Variants in SLC28A1 observed in about 807,000 individuals in gnomAD.
The protein encoded by SLC28A1 is solute carrier family 28 member 1.
A neutral mutation model predicts 74.8 loss-of-function variants in SLC28A1; 64 were observed. The observed-to-expected ratio is 0.86, with a 90% CI of 0.70 to 1.05. The LOEUF is 1.05. SLC28A1 is among the 50% of genes least tolerant of loss of function. SLC28A1 has a pLI of 0.00. For synonymous variants in SLC28A1, 359 were observed against 335.0 expected (o/e 1.07, Z -0.78); for missense variants, 828 against 822.8 (o/e 1.01, Z -0.08).
At chr15:84,965,900 G>GC in the SLC28A1 span, among the ~76,000 whole-genome samples, 1 of 149,712 alleles carries the variant, frequency 6.7e-6, no homozygotes, top group African/African-American at 2.5e-5. Flanking sequence ...GAGGGAGGCG[G>GC]GGAGGGGGGG....
At chr15:84,938,753 G>GA (rs58569171) in intron 15 of SLC28A1, among the ~76,000 whole-genome samples, 18,222 of 145,626 alleles carry the variant, frequency 0.13, 1,233 homozygotes, top group African/African-American at 0.2. Flanking sequence ...AAAACAACAA[G>GA]AAAAAAAAAA....
At chr15:84,969,138 T>A in the SLC28A1 span, among the ~76,000 whole-genome samples, 1 of 152,384 alleles carries the variant, frequency 6.6e-6, no homozygotes, top group East Asian at 1.9e-4. Context: ...CAGCTGGCTC[T>A]GTGGCTGAGT....
At chr15:84,922,385 T>C (rs994491768) in intron 11 of SLC28A1, among the ~76,000 whole-genome samples, 10 of 152,072 alleles carry the variant, frequency 6.6e-5, no homozygotes, top group Non-Finnish European at 1.2e-4. Context: ...CTTCCCCTCT[T>C]GGCAAGTGGG....
chr15:84,931,651 CAAAAAAA>C (rs60407699), intron 12 of SLC28A1, among the ~76,000 whole-genome samples: 3 of 52,404 alleles, frequency 5.7e-5, no homozygotes, highest in African/African-American at 2.7e-4. Context: ...GACTCCATCT[CAAAAAAA>C]AAAAAAAAAA....
rs541649171 is a variant in SLC28A1 at position 84,924,925 on chromosome 15, G to A, written c.1083+815G>A. ...TTTTTTGTTTGTTTGTTTTTGAGAC[G>A]GAGTCTTGCTCTGTTGCCAGGCTGG... On this transcript the variant is annotated intron_variant, in intron 12 of 18. Transcript: ENST00000394573. Among the ~76,000 whole-genome samples the A allele has an allele frequency of 4.5e-3, 647 of 145,362 alleles. 8 individuals carry two copies. Among genetic ancestry groups the A allele is most frequent in the African/African-American group, 0.016 (614 of 39,058 alleles).
At chr15:84,930,642 G>A (rs1035661164) in intron 12 of SLC28A1, among the ~76,000 whole-genome samples, 2 of 142,320 alleles carry the variant, frequency 1.4e-5, no homozygotes, top group African/African-American at 5.4e-5. Context: ...TTTTGAGATG[G>A]AGTCTCACTC....
Position 84,935,470 on chromosome 15 carries a change from C to G in SLC28A1, c.1533C>G (p.Arg511=), listed in dbSNP as rs1971772088. The change falls in exon 15 of 19, where the codon CGC becomes CGG. Residue 511 remains arginine (R), a synonymous_variant. Transcript: ENST00000394573. ...ACCTCTCCAAGTACAAGCAACGCCG[C>G]CTGGCAGGGGCCGAGGAGTGGGTCG... ...YQDLSKYKQR[R]LAGAEEWVGD... is the part of the protein sequence containing the mutation. 5.6e-6 allele frequency: 9 copies of G among 1,614,184 alleles called. No homozygotes were observed. The highest frequency in any genetic ancestry group is 7.6e-6 in the Non-Finnish European group (9 of 1,180,016).
At chr15:84,911,046 A>C (rs544231148) in intron 9 of SLC28A1, among the ~76,000 whole-genome samples, 2 of 152,306 alleles carry the variant, frequency 1.3e-5, no homozygotes. Context: ...GCTGTTTCCC[A>C]AAGGGAAATT....
In SLC28A1 at chr15:84,890,469, C is replaced by T. The variant is rs1297136241; in HGVS notation, c.212C>T (p.Ala71Val). ...AGGAACCTGCAGCCAGCCCTGAGAG[C>T]CAGAAGCTTCTGCAGGGAGCACATG... ...RWRNLQPALR[A>V]RSFCREHMQL... Residue 71 changes from alanine to valine, a missense_variant, in exon 5 of 19, where the codon GCC becomes GTC. Transcript: ENST00000394573. The T allele has an allele frequency of 6.2e-7, 1 of 1,610,332 alleles. No individual in the cohort carries two copies. Among genetic ancestry groups the T allele is most frequent in the Admixed American group, 1.7e-5 (1 of 59,898 alleles).
chr15:84,933,154 A>C lies in SLC28A1; in HGVS notation c.1093A>C (p.Thr365Pro), dbSNP rs1596339557. The change falls in exon 13 of 19, where the codon ACC (threonine) becomes CCC (proline). Residue 365 changes from threonine to proline, a missense_variant. By Grantham distance (38) the Thr-to-Pro change is conservative (BLOSUM62 -1). Transcript: ENST00000394573. ...ACTCTCACTCTTGCAGATCGATGCC[A>C]CCTCGTTGATTGCAGCCTCTGTGAT... ...GAYISFGIDA[T>P]SLIAASVMAA... 1 of 1,613,510 alleles carries C rather than the reference A, an allele frequency of 6.2e-7. No homozygotes were observed. Among genetic ancestry groups the C allele is most frequent in the Non-Finnish European group, 8.5e-7 (1 of 1,179,722 alleles).
chr15:84,951,423 C>G, the SLC28A1 span, among the ~76,000 whole-genome samples: 1 of 112,090 alleles, frequency 8.9e-6, no homozygotes, highest in Non-Finnish European at 1.8e-5. Context: ...GAGACCCTGT[C>G]TTAAAAAAAA....
At chr15:84,953,039 G>A in the SLC28A1 span, among the ~76,000 whole-genome samples, 6 of 152,188 alleles carry the variant, frequency 3.9e-5, no homozygotes, top group Admixed American at 1.3e-4. Flanking sequence ...CAATGCCATC[G>A]CATCAATTAG....
intron 12 of SLC28A1, among the ~76,000 whole-genome samples, chr15:84,924,912 T>TTTTTTTTTA: frequency 6.7e-6 from 1 of 148,808 alleles, no homozygotes; most frequent in South Asian, 2.2e-4. Context: ...TTTTGTTTGT[T>TTTTTTTTTA]TGTTTTTGAG....
At chr15:84,886,447 A>T (rs774146824) in intron 1 of SLC28A1, 14 of 985,308 alleles carry the variant, frequency 1.4e-5, no homozygotes, top group Admixed American at 6.1e-5. Flanking sequence ...GGCCTGGAAG[A>T]GGTCAGTTTG....
At chr15:84,962,823 T>C in the SLC28A1 span, among the ~76,000 whole-genome samples, 1 of 152,212 alleles carries the variant, frequency 6.6e-6, no homozygotes, top group African/African-American at 2.4e-5. Context: ...ACCTTGACTC[T>C]AGGCAGTGTC....
At position 84,897,409 on chromosome 15, in the gene SLC28A1, CAAA is replaced by C. The variant is rs1596229087; in HGVS notation, c.461+2287_461+2289del. On this transcript the variant is annotated intron_variant, in intron 6 of 18. Transcript: ENST00000394573. ...TCAGAAAAAAAAAATCCAAACCAAA[CAAA>C]CAAACAAACAAAAATACACTTTTAA... is the stretch of plus-strand genomic sequence containing the variant. Among the ~76,000 whole-genome samples the C allele has an allele frequency of 8.1e-5, 12 of 148,448 alleles. No homozygotes were observed. The South Asian group carries it at 1.2e-3, about 15-fold the overall frequency.
At chr15:84,909,007 A>C (rs1293332263) in intron 9 of SLC28A1, among the ~76,000 whole-genome samples, 1 of 145,944 alleles carries the variant, frequency 6.9e-6, no homozygotes, top group Non-Finnish European at 1.5e-5. Flanking sequence ...ATATTTTGTA[A>C]AATTTGCAAA....
rs1170745594 is a variant in SLC28A1, at chr15:84,945,446, C to A, written c.*246C>A. On this transcript the variant is annotated 3_prime_UTR_variant, in exon 19 of 19. Transcript: ENST00000394573. ...TTTCCTAACTCCCCCAGTGTGAATT[C>A]TCAGGGTCACTTCTGCCTCCTCCCG... The A allele has an allele frequency of 7.6e-6, 4 of 529,270 alleles. No individual in the cohort carries two copies. Among genetic ancestry groups the A allele is most frequent in the African/African-American group, 1.9e-5 (1 of 51,936 alleles). The allele number at this position is 529,270 out of a possible 1,614,324, so 32.8% of individuals were successfully genotyped here.
chr15:84,948,616 A>G (rs1233358306), downstream of SLC28A1, among the ~76,000 whole-genome samples: 4 of 152,072 alleles, frequency 2.6e-5, no homozygotes, highest in African/African-American at 4.8e-5. Context: ...TCCCTCCCTT[A>G]CTGCAGCCCA....
Sources: allele counts gnomAD v4.1 joint callset (sites outside exome capture counted in the v4.1 genomes callset), GRCh38; gene constraint gnomAD v4.1.1; transcripts MANE v1.5; gene names NCBI Gene and HGNC (gene_info 2026-07-23, HGNC 2026-07-21).